The following SLC35F1 variants were observed in gnomAD, a reference collection of about 807,000 sequenced individuals.
SLC35F1 encodes chromosome 6 open reading frame 169.
A neutral mutation model predicts 48.7 loss-of-function variants in SLC35F1; 14 were observed. The observed-to-expected ratio is 0.29, with a 90% confidence interval of 0.19 to 0.45. The LOEUF (loss-of-function observed/expected upper bound fraction) is 0.45, where lower values mean the gene tolerates loss of function less well. SLC35F1 is among the 20% of genes least tolerant of loss of function. The pLI is 1.00. For missense variants in SLC35F1, 404 were observed against 500.0 expected (o/e 0.81, Z 1.83); for synonymous variants, 190 against 202.2 (o/e 0.94, Z 0.51).
intron 2 of SLC35F1, among the ~76,000 whole-genome samples, chr6:118,197,684 T>C (rs528010577): frequency 6.6e-6 from 1 of 152,214 alleles, no homozygotes; most frequent in East Asian, 1.9e-4. Context: ...CAAATGCCCT[T>C]GCAACAATTC....
intron 1 of SLC35F1, among the ~76,000 whole-genome samples, chr6:117,989,028 G>T (rs946898570): frequency 3.3e-5 from 5 of 152,180 alleles, no homozygotes; most frequent in African/African-American, 1.2e-4. Context: ...TCCATAAAAA[G>T]ATAGGTAGAG....
chr6:118,230,802 G>A (rs956028556), intron 2 of SLC35F1, among the ~76,000 whole-genome samples: 4 of 152,036 alleles, frequency 2.6e-5, no homozygotes, highest in African/African-American at 7.2e-5. Context: ...GGGCAACATG[G>A]CAAAACCCCA....
chr6:118,158,547 A>T (rs1009662644), intron 2 of SLC35F1, among the ~76,000 whole-genome samples: 2 of 152,226 alleles, frequency 1.3e-5, no homozygotes, highest in Admixed American at 6.5e-5. Flanking sequence ...CTTTCTTTAT[A>T]GTTTTAATCA....
In SLC35F1 at chr6:118,167,001, A is replaced by C. The variant is rs75596103; in HGVS notation, c.349+12381A>C. On this transcript the variant is annotated intron_variant, in intron 2 of 7. Transcript: ENST00000360388. Reference sequence around the variant, plus strand: ...TTCAGATTTCTCTTATATAAATTTCAGTTCCTCAGTCCCTTATTTCTTTCT... The same window carrying C: ...TTCAGATTTCTCTTATATAAATTTCCGTTCCTCAGTCCCTTATTTCTTTCT... 3.2e-3 allele frequency among the ~76,000 whole-genome samples: 481 copies of C among 152,340 alleles called. 2 individuals carry two copies. Among genetic ancestry groups the C allele is most frequent in the African/African-American group, 0.011 (468 of 41,584 alleles).
At chr6:118,229,972 T>A (rs1775266377) in intron 2 of SLC35F1, among the ~76,000 whole-genome samples, 1 of 152,196 alleles carries the variant, frequency 6.6e-6, no homozygotes, top group African/African-American at 2.4e-5. Context: ...TTTACACATT[T>A]GCCATACTCT....
chr6:118,125,693 T>A (rs1472329177), intron 1 of SLC35F1, among the ~76,000 whole-genome samples: 4 of 152,176 alleles, frequency 2.6e-5, no homozygotes, highest in Admixed American at 6.5e-5. Flanking sequence ...CCAAGCTGGT[T>A]CTATCTTAAC....
chr6:118,280,882 A>AT (rs59853510), intron 6 of SLC35F1, among the ~76,000 whole-genome samples: 30,625 of 150,980 alleles, frequency 0.2, 4,004 homozygotes, highest in Non-Finnish European at 0.3. Context: ...AAAAAAAAAA[A>AT]CAATACACCT....
intron 4 of SLC35F1, among the ~76,000 whole-genome samples, chr6:118,272,386 T>G (rs1775863190): frequency 6.6e-6 from 1 of 152,154 alleles, no homozygotes; most frequent in South Asian, 2.1e-4. Context: ...TACCCAAAAT[T>G]TGTAAATCAT....
chr6:118,001,005 G>T (rs1777085078), intron 1 of SLC35F1, among the ~76,000 whole-genome samples: 1 of 151,996 alleles, frequency 6.6e-6, no homozygotes, highest in Non-Finnish European at 1.5e-5. Flanking sequence ...AATCAATATT[G>T]TGAAAATGGC....
Position 118,171,570 on chromosome 6 carries a change from A to G in SLC35F1, c.349+16950A>G, listed in dbSNP as rs555809326. Among the ~76,000 whole-genome samples, 5 of 152,344 alleles carry G rather than the reference A, an allele frequency of 3.3e-5. No homozygotes were observed. The South Asian group carries it at 6.2e-4, about 19-fold the overall frequency. On this transcript the variant is annotated intron_variant, in intron 2 of 7. Transcript: ENST00000360388. Reference sequence around the variant, plus strand: ...CCTTCACAGTCCTTCCCCAAAAAGAACATTACCAATTCAAAAGCCTATTCT... The same window carrying G: ...CCTTCACAGTCCTTCCCCAAAAAGAGCATTACCAATTCAAAAGCCTATTCT...
intron 1 of SLC35F1, among the ~76,000 whole-genome samples, chr6:117,915,971 T>A (rs1481109138): frequency 6.6e-6 from 1 of 152,228 alleles, no homozygotes; most frequent in Non-Finnish European, 1.5e-5. Context: ...GCAGTGCCTG[T>A]CAAATAATGG....
intron 1 of SLC35F1, among the ~76,000 whole-genome samples, chr6:118,085,162 C>G (rs1387119307): frequency 6.6e-6 from 1 of 152,052 alleles, no homozygotes; most frequent in Non-Finnish European, 1.5e-5. Flanking sequence ...CAAGACTCTC[C>G]TAGAATTTGG....
At chr6:118,188,070 G>A (rs1463679542) in intron 2 of SLC35F1, among the ~76,000 whole-genome samples, 1 of 152,202 alleles carries the variant, frequency 6.6e-6, no homozygotes. Context: ...CTTAGAACTT[G>A]ACACAGAGTC....
chr6:118,085,282 A>G (rs548836245), intron 1 of SLC35F1, among the ~76,000 whole-genome samples: 1 of 152,198 alleles, frequency 6.6e-6, no homozygotes, highest in East Asian at 1.9e-4. Context: ...TTTCAGGGCT[A>G]ACAGCTGGTT....
chr6:117,976,179 G>C (rs1426641364), intron 1 of SLC35F1, among the ~76,000 whole-genome samples: 1 of 152,144 alleles, frequency 6.6e-6, no homozygotes, highest in African/African-American at 2.4e-5. Context: ...TGAAATAACT[G>C]AAGTCCCTTT....
chr6:117,939,746 T>C (rs1411937529), intron 1 of SLC35F1, among the ~76,000 whole-genome samples: 1 of 151,290 alleles, frequency 6.6e-6, no homozygotes, highest in Non-Finnish European at 1.5e-5. Flanking sequence ...AAGGTTATGC[T>C]TTTTTTTTCA....
At chr6:118,042,969 A>G (rs1230692801) in intron 1 of SLC35F1, among the ~76,000 whole-genome samples, 3 of 152,140 alleles carry the variant, frequency 2.0e-5, no homozygotes, top group Non-Finnish European at 4.4e-5. Context: ...CATGTTGGAA[A>G]TTCCTGCAGC....
rs773350770 is a variant in SLC35F1, at chr6:118,014,049, T to G, written c.173+106150T>G. Among the ~76,000 whole-genome samples the G allele has an allele frequency of 1.6e-4, 25 of 152,242 alleles. 1 individual carries two copies. Among genetic ancestry groups the G allele is most frequent in the Non-Finnish European group, 3.1e-4 (21 of 68,050 alleles). On this transcript the variant is annotated intron_variant, in intron 1 of 7. Coordinates refer to ENST00000360388, the MANE Select transcript of SLC35F1 (RefSeq NM_001029858.4). ...CATAGTGGTAAAAAAGGACAGCTTTTGCATCAGACTTGCATTCGAATCAGT... is the reference window on the plus strand; with the variant it reads ...CATAGTGGTAAAAAAGGACAGCTTTGGCATCAGACTTGCATTCGAATCAGT...
intron 6 of SLC35F1, among the ~76,000 whole-genome samples, chr6:118,277,987 T>C (rs181735918): frequency 4.0e-4 from 61 of 152,368 alleles, no homozygotes; most frequent in Middle Eastern, 3.4e-3. Flanking sequence ...ATGGGCATTC[T>C]GAGCCCATAA....
Sources: allele counts gnomAD v4.1 joint callset (sites outside exome capture counted in the v4.1 genomes callset), GRCh38; gene constraint gnomAD v4.1.1; transcripts MANE v1.5; gene names NCBI Gene and HGNC (gene_info 2026-07-23, HGNC 2026-07-21).